Variants in SLC16A9 observed in about 807,000 individuals in gnomAD.
SLC16A9 encodes the protein monocarboxylate transporter 9.
A neutral mutation model predicts 44.3 loss-of-function variants in SLC16A9; 26 were observed. The observed-to-expected ratio is 0.59, with a 90% CI of 0.43 to 0.81. SLC16A9 has a LOEUF of 0.81. Among genes scored for constraint, SLC16A9 ranks in the 40% least tolerant of loss-of-function variants. The pLI is 0.00. For synonymous variants in SLC16A9, 230 were observed against 225.1 expected (o/e 1.02, Z -0.19); for missense variants, 559 against 595.8 (o/e 0.94, Z 0.64).
At chr10:59,660,597 C>A (rs531081822) in intron 4 of SLC16A9, among the ~76,000 whole-genome samples, 1 of 152,280 alleles carries the variant, frequency 6.6e-6, no homozygotes, top group South Asian at 2.1e-4. Flanking sequence ...GGCAGCATTC[C>A]TTCTAAAACT....
At chr10:59,706,568 A>G (rs1242197802) in intron 1 of SLC16A9, among the ~76,000 whole-genome samples, 2 of 151,912 alleles carry the variant, frequency 1.3e-5, no homozygotes, top group African/African-American at 4.8e-5. Flanking sequence ...ATTATTCACC[A>G]TAGCCAAGAT....
At chr10:59,706,070 A>G (rs1840629885) in intron 1 of SLC16A9, among the ~76,000 whole-genome samples, 1 of 152,166 alleles carries the variant, frequency 6.6e-6, no homozygotes, top group East Asian at 1.9e-4. Flanking sequence ...TCCTCTTCCT[A>G]AATTGCTACA....
intron 4 of SLC16A9, among the ~76,000 whole-genome samples, chr10:59,657,284 G>A (rs549422694): frequency 9.2e-5 from 14 of 152,170 alleles, no homozygotes; most frequent in African/African-American, 3.4e-4. Flanking sequence ...GCCAGATTTG[G>A]CCCATAGGCA....
intron 1 of SLC16A9, among the ~76,000 whole-genome samples, chr10:59,707,584 CCAA>C (rs1564717042): frequency 3.7e-5 from 1 of 27,154 alleles, no homozygotes; most frequent in African/African-American, 9.4e-5. Flanking sequence ...TCTCACCACA[CCAA>C]AAAAAAAAAA....
intron 1 of SLC16A9, among the ~76,000 whole-genome samples, chr10:59,687,409 A>G (rs913636964): frequency 1.8e-4 from 27 of 152,274 alleles, no homozygotes; most frequent in Admixed American, 1.4e-3. Context: ...ATTATAAATA[A>G]TTGTTATTAC....
In SLC16A9 at chr10:59,708,169, G is replaced by A. The variant is rs577646918; in HGVS notation, c.-37+1310C>T. 2.0e-5 allele frequency among the ~76,000 whole-genome samples: 3 copies of A among 152,168 alleles called. No individual in the cohort carries two copies. In the South Asian group the frequency reaches 6.2e-4, roughly 32 times the overall value. On this transcript the variant is annotated intron_variant, in intron 1 of 5. Transcript: ENST00000395348. Reference sequence around the variant, plus strand: ...TGGAGGGAGAGCGGGACTGGTTTCTGGCAATGATATGGGTACTAACCATGT... The same window carrying A: ...TGGAGGGAGAGCGGGACTGGTTTCTAGCAATGATATGGGTACTAACCATGT...
intron 2 of SLC16A9, among the ~76,000 whole-genome samples, chr10:59,680,641 T>C (rs1839965483): frequency 6.6e-6 from 1 of 152,172 alleles, no homozygotes; most frequent in Non-Finnish European, 1.5e-5. Context: ...TATAGAGGGC[T>C]TAAGCCAGTG....
In SLC16A9 at chr10:59,651,083, T is replaced by C. The variant is rs966905714; in HGVS notation, c.*1689A>G. ...ACTTTCCAGAAGTCTGAGTGTGGTGTAGAAGTCCAAGACAACTTGGAGCTC... is the reference window on the plus strand; with the variant it reads ...ACTTTCCAGAAGTCTGAGTGTGGTGCAGAAGTCCAAGACAACTTGGAGCTC... On this transcript the variant is annotated 3_prime_UTR_variant, in exon 6 of 6. Transcript: ENST00000395348. The C allele has an allele frequency of 2.0e-5, 3 of 152,018 alleles. No individual in the cohort carries two copies. The highest frequency in any genetic ancestry group is 7.2e-5 in the African/African-American group (3 of 41,398). 9.4% of individuals were successfully genotyped at this position (152,018 alleles called of 1,614,324 possible).
At chr10:59,676,622 C>T (rs1434905956) in intron 2 of SLC16A9, among the ~76,000 whole-genome samples, 1 of 152,052 alleles carries the variant, frequency 6.6e-6, no homozygotes, top group Non-Finnish European at 1.5e-5. Context: ...TCACAAGATA[C>T]TTTAAAAATA....
At chr10:59,698,454 A>C (rs961369748) in intron 1 of SLC16A9, among the ~76,000 whole-genome samples, 1 of 152,146 alleles carries the variant, frequency 6.6e-6, no homozygotes, top group Non-Finnish European at 1.5e-5. Context: ...CTGGCTAGAG[A>C]ATGAGCACAG....
At chr10:59,681,071 G>A (rs1323971970) in intron 2 of SLC16A9, among the ~76,000 whole-genome samples, 1 of 151,890 alleles carries the variant, frequency 6.6e-6, no homozygotes, top group African/African-American at 2.4e-5. Context: ...TCAAATCCAC[G>A]CAATTATATG....
intron 4 of SLC16A9, among the ~76,000 whole-genome samples, chr10:59,662,644 A>AAAAAAAAAAAAAAG (rs1839506082): frequency 1.4e-5 from 2 of 144,278 alleles, no homozygotes; most frequent in Admixed American, 6.8e-5. Flanking sequence ...AAAAAAAAAA[A>AAAAAAAAAAAAAAG]AAAAAAAAAG....
rs377076130 is a variant in SLC16A9, at chr10:59,676,420, G to C, written c.197-3507C>G. ...TTCCTCAGCACTGGATGAGTTTCAA[G>C]AGACAGATTAAATCAAAGGGCTACT... On this transcript the variant is annotated intron_variant, in intron 2 of 5. Transcript: ENST00000395348. 6.2e-4 allele frequency among the ~76,000 whole-genome samples: 95 copies of C among 152,298 alleles called. No individual in the cohort carries two copies. In the South Asian group the frequency reaches 0.017, roughly 27 times the overall value.
chr10:59,692,738 C>G lies in SLC16A9; in HGVS notation c.-36-8411G>C, dbSNP rs79305331. 9.2e-3 allele frequency among the ~76,000 whole-genome samples: 1,397 copies of G among 152,262 alleles called. 17 individuals carry two copies. Among genetic ancestry groups the G allele is most frequent in the African/African-American group, 0.032 (1,314 of 41,542 alleles). On this transcript the variant is annotated intron_variant, in intron 1 of 5. Coordinates refer to ENST00000395348, the MANE Select transcript of SLC16A9 (RefSeq NM_194298.3). ...CCTCAAACAATGACTTTTGTCCCTCCAAACATGTATCATTTATTCTATACC... is the reference window on the plus strand; with the variant it reads ...CCTCAAACAATGACTTTTGTCCCTCGAAACATGTATCATTTATTCTATACC...
chr10:59,696,791 C>T (rs1840391916), intron 1 of SLC16A9, among the ~76,000 whole-genome samples: 1 of 151,374 alleles, frequency 6.6e-6, no homozygotes, highest in Non-Finnish European at 1.5e-5. Flanking sequence ...TGCCTGGCAA[C>T]CGCCCCGTCT....
intron 1 of SLC16A9, among the ~76,000 whole-genome samples, chr10:59,693,660 C>A (rs1194765452): frequency 6.6e-6 from 1 of 152,052 alleles, no homozygotes; most frequent in African/African-American, 2.4e-5. Context: ...CACTCTTTCG[C>A]CCAGGCTGGA....
chr10:59,684,350 G>T (rs1840087916), intron 1 of SLC16A9, 23 bp from the exon 2 acceptor site: 5 of 1,451,534 alleles, frequency 3.4e-6, no homozygotes, highest in Non-Finnish European at 3.8e-6. Flanking sequence ...AAACAGAAAA[G>T]AGAATCTTAT....
intron 3 of SLC16A9, among the ~76,000 whole-genome samples, chr10:59,669,703 G>C (rs1011494786): frequency 6.6e-6 from 1 of 152,120 alleles, no homozygotes; most frequent in Non-Finnish European, 1.5e-5. Flanking sequence ...AAGCGTGGTG[G>C]CTTGCTCCTG....
At chr10:59,701,851 A>C (rs1395934521) in intron 1 of SLC16A9, among the ~76,000 whole-genome samples, 2 of 152,174 alleles carry the variant, frequency 1.3e-5, no homozygotes, top group Admixed American at 1.3e-4. Flanking sequence ...TCTTCCTTCA[A>C]GACTGAGCCC....
Sources: allele counts gnomAD v4.1 joint callset (sites outside exome capture counted in the v4.1 genomes callset), GRCh38; gene constraint gnomAD v4.1.1; transcripts MANE v1.5; gene names NCBI Gene and HGNC (gene_info 2026-07-23, HGNC 2026-07-21).